AFG1L: variants seen among roughly 807,000 people sequenced by gnomAD.
AFG1L encodes AFG1 like ATPase.
In AFG1L, 53 loss-of-function variants were observed where a neutral mutation model predicts 62.2. The ratio of observed to expected loss-of-function variants is 0.85; its 90% CI spans 0.68 to 1.07. AFG1L has a LOEUF of 1.07. Ranked by LOEUF, AFG1L falls within the 50% of genes least tolerant of loss-of-function variation. The probability of loss-of-function intolerance (pLI) is 0.00; values close to 1 mark genes in which losing one functional copy is unlikely to be tolerated. For missense variants in AFG1L, 555 were observed against 590.5 expected (o/e 0.94, Z 0.62); for synonymous variants, 228 against 210.3 (o/e 1.08, Z -0.73).
intron 2 of AFG1L, among the ~76,000 whole-genome samples, chr6:108,343,537 C>G (rs1342033088): frequency 6.6e-6 from 1 of 152,180 alleles, no homozygotes; most frequent in Non-Finnish European, 1.5e-5. Context: ...CTATGACACT[C>G]TCAGTTACCT....
At chr6:108,518,848 C>T (rs1168033330) in intron 11 of AFG1L, among the ~76,000 whole-genome samples, 1 of 152,154 alleles carries the variant, frequency 6.6e-6, no homozygotes, top group Non-Finnish European at 1.5e-5. Flanking sequence ...CACTCACTGG[C>T]CTAATTAGAA....
intron 6 of AFG1L, among the ~76,000 whole-genome samples, chr6:108,369,462 T>G (rs1779898420): frequency 6.6e-6 from 1 of 152,194 alleles, no homozygotes; most frequent in South Asian, 2.1e-4. Context: ...ATCACTGATC[T>G]CTGTCTATCC....
intron 8 of AFG1L, among the ~76,000 whole-genome samples, chr6:108,448,598 A>G (rs568720487): frequency 6.6e-6 from 1 of 152,122 alleles, no homozygotes; most frequent in Non-Finnish European, 1.5e-5. Flanking sequence ...TTTGTTTCAT[A>G]GTGCCAAAGA....
rs538694396 is a variant in AFG1L, at chr6:108,413,573, G to T, written c.807+11519G>T. Among the ~76,000 whole-genome samples the T allele has an allele frequency of 1.6e-3, 248 of 152,274 alleles. 2 individuals carry two copies. The highest frequency in any genetic ancestry group is 5.7e-3 in the African/African-American group (235 of 41,548). On this transcript the variant is annotated intron_variant, in intron 7 of 12. Coordinates refer to ENST00000368977, the MANE Select transcript of AFG1L (RefSeq NM_145315.5). Reference sequence around the variant, plus strand: ...AGAAATTACAACAAACTGTCTCTCAGACCACAGTGCAATCAAACTAGAACT... The same window carrying T: ...AGAAATTACAACAAACTGTCTCTCATACCACAGTGCAATCAAACTAGAACT...
chr6:108,466,741 TTTAAAATATATTTGTTAA>T (rs767335714), intron 8 of AFG1L, among the ~76,000 whole-genome samples: 7,158 of 147,856 alleles, frequency 0.048, 210 homozygotes, highest in South Asian at 0.17. Context: ...ATATATATTT[TTTAAAATATATTTGTTAA>T]AATATATATA....
chr6:108,327,223 A>G (rs1230346065), intron 2 of AFG1L, among the ~76,000 whole-genome samples: 1 of 152,256 alleles, frequency 6.6e-6, no homozygotes, highest in African/African-American at 2.4e-5. Context: ...GTTGAAAGAA[A>G]TAGAGATTCA....
intron 1 of AFG1L, among the ~76,000 whole-genome samples, chr6:108,309,313 C>G (rs1003623132): frequency 6.6e-6 from 1 of 152,140 alleles, no homozygotes; most frequent in East Asian, 1.9e-4. Flanking sequence ...ATCAAGTGAC[C>G]GTGTATGTGT....
chr6:108,495,416 A>G (rs1359615139), intron 10 of AFG1L, among the ~76,000 whole-genome samples: 3 of 152,212 alleles, frequency 2.0e-5, no homozygotes, highest in Non-Finnish European at 2.9e-5. Context: ...AGCTGAAATA[A>G]TGGTAGCAGA....
At chr6:108,469,065 A>G (rs1233031321) in intron 8 of AFG1L, among the ~76,000 whole-genome samples, 2 of 152,078 alleles carry the variant, frequency 1.3e-5, no homozygotes, top group Non-Finnish European at 2.9e-5. Context: ...TTGGTTGTCC[A>G]TTCACATGTA....
chr6:108,338,154 C>G (rs1778541232), intron 2 of AFG1L, among the ~76,000 whole-genome samples: 1 of 152,128 alleles, frequency 6.6e-6, no homozygotes, highest in Non-Finnish European at 1.5e-5. Flanking sequence ...CCACTGGACT[C>G]CAGCCTGGGT....
intron 10 of AFG1L, among the ~76,000 whole-genome samples, chr6:108,496,554 G>T (rs1436028143): frequency 5.3e-5 from 8 of 152,142 alleles, no homozygotes; most frequent in Non-Finnish European, 1.0e-4. Flanking sequence ...ACATATTCAT[G>T]ATGTATTGTA....
At chr6:108,379,451 C>T (rs1234168718) in intron 6 of AFG1L, among the ~76,000 whole-genome samples, 2 of 152,190 alleles carry the variant, frequency 1.3e-5, no homozygotes, top group Admixed American at 1.3e-4. Flanking sequence ...GGCAGAAGCT[C>T]TCTGTTGCTC....
chr6:108,332,489 A>G (rs189895743), intron 2 of AFG1L, among the ~76,000 whole-genome samples: 1 of 152,378 alleles, frequency 6.6e-6, no homozygotes, highest in African/African-American at 2.4e-5. Flanking sequence ...TTGGTTATCT[A>G]TGTGAAGATT....
intron 7 of AFG1L, among the ~76,000 whole-genome samples, chr6:108,432,425 T>C (rs1249686433): frequency 6.6e-6 from 1 of 152,194 alleles, no homozygotes; most frequent in Middle Eastern, 3.2e-3. Flanking sequence ...CAAATAGTTC[T>C]GGACTACTCA....
intron 5 of AFG1L, among the ~76,000 whole-genome samples, chr6:108,360,451 C>T (rs543542782): frequency 1.3e-5 from 2 of 152,200 alleles, no homozygotes; most frequent in East Asian, 3.9e-4. Flanking sequence ...TTTCTGTTCC[C>T]AATTATTGCA....
intron 1 of AFG1L, among the ~76,000 whole-genome samples, chr6:108,304,946 T>C (rs558676211): frequency 1.3e-5 from 2 of 152,366 alleles, no homozygotes; most frequent in South Asian, 4.1e-4. Context: ...ATCATTTGAT[T>C]TGGTATTTCC....
intron 3 of AFG1L, among the ~76,000 whole-genome samples, chr6:108,351,962 C>T (rs1374667857): frequency 6.6e-6 from 1 of 152,170 alleles, no homozygotes; most frequent in African/African-American, 2.4e-5. Context: ...TGGTAAAACA[C>T]ATTACATAAA....
At chr6:108,324,169 A>C in intron 2 of AFG1L, 121 bp downstream of exon 2, 1 of 674,930 alleles carries the variant, frequency 1.5e-6, no homozygotes, top group Non-Finnish European at 2.5e-6. Flanking sequence ...GTTCCTTTAC[A>C]CAAATTCTGT....
chr6:108,472,810 CT>C (rs527868653), intron 8 of AFG1L, among the ~76,000 whole-genome samples: 55 of 129,328 alleles, frequency 4.3e-4, no homozygotes, highest in Admixed American at 4.8e-4. Flanking sequence ...CTTTTCTTTT[CT>C]TTTTTTTTTT....
Sources: gnomAD v4.1 joint callset for allele counts (sites outside exome capture counted in the v4.1 genomes callset) on GRCh38, gnomAD v4.1.1 for gene constraint, MANE v1.5 for transcripts, NCBI Gene and HGNC (gene_info 2026-07-23, HGNC 2026-07-21) for gene names.